LRGUK: variants seen among roughly 807,000 people sequenced by gnomAD.
The protein encoded by LRGUK is leucine-rich repeat and guanylate kinase domain-containing protein.
Under a neutral mutation model 76.0 loss-of-function variants are expected in LRGUK, and 65 were observed. The observed-to-expected ratio is 0.85, with a 90% CI of 0.70 to 1.05. The LOEUF (loss-of-function observed/expected upper bound fraction) is 1.05, where lower values mean the gene tolerates loss of function less well. Among genes scored for constraint, LRGUK ranks in the 50% least tolerant of loss-of-function variants. The probability of loss-of-function intolerance (pLI) is 0.00; values close to 1 mark genes in which losing one functional copy is unlikely to be tolerated. For synonymous variants in LRGUK, 268 were observed against 265.6 expected, an observed-to-expected ratio of 1.01 and a Z score of -0.09; for missense variants, 758 against 732.8, an observed-to-expected ratio of 1.03 and a Z score of -0.40.
chr7:134,244,502 A>G (rs1157960893), intron 16 of LRGUK, among the ~76,000 whole-genome samples: 1 of 152,232 alleles, frequency 6.6e-6, no homozygotes, highest in Non-Finnish European at 1.5e-5. Context: ...AACCACAATG[A>G]GATACCATCT....
exon 1 of LRGUK, chr7:134,127,630 A>C (rs754444782): frequency 1.2e-6 from 2 of 1,614,014 alleles, no homozygotes; most frequent in Non-Finnish European, 1.7e-6. Context: ...GCGGGATCCG[A>C]GGAGTCCTCA....
At chr7:134,162,163 A>T (rs1798776239) in intron 6 of LRGUK, among the ~76,000 whole-genome samples, 1 of 152,136 alleles carries the variant, frequency 6.6e-6, no homozygotes, top group Non-Finnish European at 1.5e-5. Context: ...AGTGACTTGG[A>T]GAAATAACCA....
At chr7:134,273,187 C>G in the LRGUK span, among the ~76,000 whole-genome samples, 3 of 152,172 alleles carry the variant, frequency 2.0e-5, no homozygotes, top group Non-Finnish European at 4.4e-5. Flanking sequence ...CAGCCCTTCT[C>G]TGCCTTGACA....
the LRGUK span, among the ~76,000 whole-genome samples, chr7:134,275,762 A>G: frequency 3.4e-4 from 52 of 152,318 alleles, no homozygotes; most frequent in Admixed American, 2.6e-3. Flanking sequence ...TCTAGAGAGC[A>G]CTAAGTTTTC....
rs1798655460 is a variant in LRGUK at position 134,160,046 on chromosome 7, T to C, written c.795+1887T>C. ...AAATTTACGACAATCTGAAGGATTTTTAGCAGCATGTGTGCTTCATTTTGT... is the reference window on the plus strand; with the variant it reads ...AAATTTACGACAATCTGAAGGATTTCTAGCAGCATGTGTGCTTCATTTTGT... On this transcript the variant is annotated intron_variant, in intron 6 of 15. Coordinates refer to ENST00000645682, the Ensembl canonical transcript of LRGUK. 2.0e-5 allele frequency among the ~76,000 whole-genome samples: 3 copies of C among 152,352 alleles called. No individual in the cohort carries two copies. In the South Asian group the frequency reaches 6.2e-4, roughly 32 times the overall value.
chr7:134,226,409 T>C (rs1801766276), intron 16 of LRGUK, among the ~76,000 whole-genome samples: 1 of 152,178 alleles, frequency 6.6e-6, no homozygotes, highest in Admixed American at 6.5e-5. Context: ...TTCTCTTCCC[T>C]TGGCCATCGC....
downstream of LRGUK, among the ~76,000 whole-genome samples, chr7:134,213,888 G>T (rs542559788): frequency 2.0e-5 from 3 of 152,202 alleles, no homozygotes; most frequent in Admixed American, 2.0e-4. Flanking sequence ...TATTTACAAG[G>T]TTCCTATCAT....
At chr7:134,185,285 G>A (rs1799937011) in intron 11 of LRGUK, among the ~76,000 whole-genome samples, 1 of 152,160 alleles carries the variant, frequency 6.6e-6, no homozygotes, top group African/African-American at 2.4e-5. Flanking sequence ...TAGAGGCTGA[G>A]ACTAGTGGCT....
intron 7 of LRGUK, among the ~76,000 whole-genome samples, chr7:134,169,273 G>A (rs79771295): frequency 0.021 from 3,189 of 152,204 alleles, 111 homozygotes; most frequent in African/African-American, 0.074. Context: ...AAGGTCTGGA[G>A]TTACTGGAAG....
At chr7:134,158,036 C>A in exon 6 of LRGUK, 1 of 1,610,728 alleles carries the variant, frequency 6.2e-7, no homozygotes. Flanking sequence ...GGTGTATAGG[C>A]AATGAGATAG....
At chr7:134,267,253 A>G (rs1802872346), downstream of LRGUK, among the ~76,000 whole-genome samples, 1 of 152,156 alleles carries the variant, frequency 6.6e-6, no homozygotes, top group Admixed American at 6.5e-5. Flanking sequence ...AAGAATGAAA[A>G]CCTGTCCTTT....
Position 134,137,083 on chromosome 7 carries a change from C to T in LRGUK, c.358C>T (p.Arg120Cys), listed in dbSNP as rs200351099. 5.0e-5 allele frequency: 80 copies of T among 1,613,324 alleles called. No homozygotes were observed. Among genetic ancestry groups the T allele is most frequent in the Middle Eastern group, 3.3e-4 (2 of 6,050 alleles). ...GGCCAAAGCACTCCATCACTTGGGG[C>T]GCTCAGGCTCTGGGACTGAGCAAGT... The change falls in exon 2 of 16, where the codon CGC (arginine) becomes TGC (cysteine). Residue 120 changes from arginine to cysteine, a missense_variant. Transcript: ENST00000645682.
chr7:134,192,610 C>A (rs952167626), intron 12 of LRGUK, among the ~76,000 whole-genome samples: 11 of 152,164 alleles, frequency 7.2e-5, no homozygotes, highest in Non-Finnish European at 1.5e-4. Context: ...CCCTCATAAT[C>A]CTCGCATGTT....
intron 5 of LRGUK, among the ~76,000 whole-genome samples, chr7:134,156,503 T>A (rs976914993): frequency 6.6e-6 from 1 of 152,106 alleles, no homozygotes; most frequent in African/African-American, 2.4e-5. Context: ...GGATTTGGAG[T>A]TATCTTGAAG....
intron 7 of LRGUK, among the ~76,000 whole-genome samples, chr7:134,163,768 A>C (rs1798859927): frequency 6.6e-6 from 1 of 152,202 alleles, no homozygotes; most frequent in South Asian, 2.1e-4. Flanking sequence ...CATTGTTTTT[A>C]AGGTTTAAAC....
chr7:134,260,281 A>C (rs1226389443), intron 19 of LRGUK, among the ~76,000 whole-genome samples: 1 of 152,180 alleles, frequency 6.6e-6, no homozygotes, highest in African/African-American at 2.4e-5. Flanking sequence ...TAAGAAGTAA[A>C]TTGCTAGATA....
chr7:134,166,023 C>A (rs1271554523), intron 7 of LRGUK, among the ~76,000 whole-genome samples: 1 of 152,034 alleles, frequency 6.6e-6, no homozygotes, highest in Admixed American at 6.6e-5. Flanking sequence ...CCCGACTCCC[C>A]CTGGGCAGGT....
At chr7:134,139,143 ACT>A (rs112536506) in intron 2 of LRGUK, among the ~76,000 whole-genome samples, 2,613 of 152,178 alleles carry the variant, frequency 0.017, 77 homozygotes, top group African/African-American at 0.054. Flanking sequence ...GAAAAAAAAG[ACT>A]CTGTTCTAAC....
chr7:134,191,760 G>A lies in LRGUK; in HGVS notation c.1431+9G>A, dbSNP rs754706565. ...ATGAAATGGTGAACATGGTAAGAAT[G>A]TTTGCCTTTGTTTTTATTGCACAAG... On this transcript the variant is annotated intron_variant, in intron 12 of 15. Transcript: ENST00000645682. The A allele has an allele frequency of 6.4e-7, 1 of 1,555,734 alleles. No homozygotes were observed. Among genetic ancestry groups the A allele is most frequent in the East Asian group, 2.3e-5 (1 of 44,340 alleles).
Sources: allele counts gnomAD v4.1 joint callset (sites outside exome capture counted in the v4.1 genomes callset), GRCh38; gene constraint gnomAD v4.1.1; transcripts MANE v1.5; gene names NCBI Gene and HGNC (gene_info 2026-07-23, HGNC 2026-07-21).